The following CNTNAP4 variants were observed in gnomAD, a reference collection of about 807,000 sequenced individuals.
CNTNAP4 encodes contactin associated protein family member 4.
A neutral mutation model predicts 148.4 loss-of-function variants in CNTNAP4; 98 were observed. That is an observed-to-expected ratio of 0.66 (90% confidence interval 0.56 to 0.78). The LOEUF is 0.78. Ranked by LOEUF, CNTNAP4 falls within the 30% of genes least tolerant of loss-of-function variation. The pLI is 0.00. For missense variants in CNTNAP4, 1,935 were observed against 1,565.6 expected, an observed-to-expected ratio of 1.24 and a Z score of -3.98; for synonymous variants, 730 against 565.1, an observed-to-expected ratio of 1.29 and a Z score of -4.14.
chr16:76,283,996 T>C (rs1184381320), intron 1 of CNTNAP4, among the ~76,000 whole-genome samples: 1 of 152,078 alleles, frequency 6.6e-6, no homozygotes, highest in African/African-American at 2.4e-5. Flanking sequence ...TGATGAAATA[T>C]TAAATCATGC....
intron 1 of CNTNAP4, among the ~76,000 whole-genome samples, chr16:76,295,816 AATTT>A (rs985348399): frequency 3.3e-5 from 5 of 152,136 alleles, no homozygotes; most frequent in South Asian, 2.1e-4. Context: ...TCTGAATAAG[AATTT>A]ATTTATTTAT....
intron 3 of CNTNAP4, among the ~76,000 whole-genome samples, chr16:76,412,669 A>T (rs1028304413): frequency 3.3e-5 from 5 of 150,934 alleles, no homozygotes; most frequent in Non-Finnish European, 5.9e-5. Flanking sequence ...GCATTTAAAT[A>T]CTTTTTTCTC....
intron 3 of CNTNAP4, among the ~76,000 whole-genome samples, chr16:76,356,937 A>G (rs894088834): frequency 1.2e-4 from 18 of 152,278 alleles, no homozygotes; most frequent in African/African-American, 3.4e-4. Flanking sequence ...CTCTTTCTCT[A>G]GAGGGAACAA....
intron 3 of CNTNAP4, among the ~76,000 whole-genome samples, chr16:76,391,608 G>C (rs561802284): frequency 6.6e-6 from 1 of 152,146 alleles, no homozygotes; most frequent in Non-Finnish European, 1.5e-5. Flanking sequence ...CTTGTGTAAA[G>C]TGCAGACTCC....
intron 2 of CNTNAP4, among the ~76,000 whole-genome samples, chr16:76,346,611 T>G (rs759100363): frequency 6.6e-6 from 1 of 152,232 alleles, no homozygotes; most frequent in East Asian, 1.9e-4. Context: ...AAGCAAAACA[T>G]GGGCAGATCC....
At chr16:76,523,557 C>T (rs537293997) in intron 17 of CNTNAP4, among the ~76,000 whole-genome samples, 2 of 152,170 alleles carry the variant, frequency 1.3e-5, no homozygotes, top group African/African-American at 4.8e-5. Context: ...CATGAATTAT[C>T]TCTTACTTGA....
At chr16:76,522,601 TTTTC>T (rs1211030022) in intron 17 of CNTNAP4, among the ~76,000 whole-genome samples, 1 of 80,098 alleles carries the variant, frequency 1.2e-5, no homozygotes, top group East Asian at 3.2e-4. Flanking sequence ...TCTCTCTTTC[TTTTC>T]TTTATTTCCT....
At chr16:76,456,299 A>T (rs2080728436) in intron 8 of CNTNAP4, among the ~76,000 whole-genome samples, 1 of 152,232 alleles carries the variant, frequency 6.6e-6, no homozygotes, top group Admixed American at 6.5e-5. Context: ...GTTTCAAGGA[A>T]GTGAAAAATT....
intron 3 of CNTNAP4, among the ~76,000 whole-genome samples, chr16:76,390,103 G>T (rs994593699): frequency 6.6e-5 from 10 of 152,262 alleles, no homozygotes; most frequent in African/African-American, 2.2e-4. Context: ...GGGAGCTGGG[G>T]TATTTATCCA....
At chr16:76,522,294 A>AT (rs779193384) in intron 17 of CNTNAP4, 37 bp downstream of exon 17, 18 of 1,559,222 alleles carry the variant, frequency 1.2e-5, no homozygotes, top group Non-Finnish European at 1.6e-5. Context: ...TTATTGTATG[A>AT]TATGTGTTCA....
chr16:76,515,765 A>G (rs987208605), intron 15 of CNTNAP4, among the ~76,000 whole-genome samples: 1 of 152,110 alleles, frequency 6.6e-6, no homozygotes, highest in Non-Finnish European at 1.5e-5. Context: ...ATCCTCAATG[A>G]GGCACCACTT....
At chr16:76,397,994 A>ATATATATG in intron 3 of CNTNAP4, among the ~76,000 whole-genome samples, 4 of 90,084 alleles carry the variant, frequency 4.4e-5, no homozygotes, top group African/African-American at 1.7e-4. Context: ...ATATATATAT[A>ATATATATG]TATATATGGA....
At position 76,334,073 on chromosome 16, in the gene CNTNAP4, C is replaced by G. The variant is rs186811985; in HGVS notation, c.196+17550C>G. ...GAGTTCATGTCCTTTGTAGATATAC[C>G]TAACACTAAATGACGAGTTAATGGA... On this transcript the variant is annotated intron_variant, in intron 2 of 23. Transcript: ENST00000611870. Among the ~76,000 whole-genome samples, 305 of 151,768 alleles carry G rather than the reference C, an allele frequency of 2.0e-3. 1 individual carries two copies. The highest frequency in any genetic ancestry group is 0.018 in the Admixed American group (267 of 15,234).
intron 17 of CNTNAP4, among the ~76,000 whole-genome samples, chr16:76,525,754 C>CTTATA (rs5818002): frequency 0.99 from 144,618 of 145,990 alleles, 71,637 homozygotes; most frequent in Middle Eastern, 1. Context: ...TATAATATAG[C>CTTATA]TTATATATAA....
intron 1 of CNTNAP4, among the ~76,000 whole-genome samples, chr16:76,310,607 G>A (rs1482071330): frequency 6.6e-6 from 1 of 152,144 alleles, no homozygotes; most frequent in African/African-American, 2.4e-5. Context: ...TCTGGTGTAT[G>A]AGGATTTTTG....
chr16:76,393,617 G>C (rs2078100603), intron 3 of CNTNAP4, among the ~76,000 whole-genome samples: 1 of 151,978 alleles, frequency 6.6e-6, no homozygotes, highest in African/African-American at 2.4e-5. Context: ...CTGCCTGTGG[G>C]ATGAAGCAGG....
At chr16:76,408,468 C>A (rs1264829241) in intron 3 of CNTNAP4, among the ~76,000 whole-genome samples, 1 of 148,658 alleles carries the variant, frequency 6.7e-6, no homozygotes, top group Non-Finnish European at 1.5e-5. Flanking sequence ...GCAAAACCAA[C>A]CCTCTTGTAC....
chr16:76,320,736 G>A lies in CNTNAP4; in HGVS notation c.196+4213G>A, dbSNP rs1448835700. On this transcript the variant is annotated intron_variant, in intron 2 of 23. Transcript: ENST00000611870. ...TCTAAATGTGTCCTTAGTACATTTA[G>A]AATCCAGAATATGGAGAAACCACAT... 2.0e-5 allele frequency among the ~76,000 whole-genome samples: 3 copies of A among 152,104 alleles called. No homozygotes were observed. The East Asian group carries it at 5.8e-4, about 29-fold the overall frequency.
chr16:76,494,084 C>T (rs1017238787), intron 13 of CNTNAP4, among the ~76,000 whole-genome samples: 2 of 148,994 alleles, frequency 1.3e-5, no homozygotes, highest in African/African-American at 4.9e-5. Context: ...TTCCTCCATA[C>T]TTTTTTTTTT....
Sources: gnomAD v4.1 joint callset for allele counts (sites outside exome capture counted in the v4.1 genomes callset) on GRCh38, gnomAD v4.1.1 for gene constraint, MANE v1.5 for transcripts, NCBI Gene and HGNC (gene_info 2026-07-23, HGNC 2026-07-21) for gene names.